Variants in FAM168A observed in about 807,000 individuals in gnomAD.
The protein encoded by FAM168A is family with sequence similarity 168 member A.
A neutral mutation model predicts 28.5 loss-of-function variants in FAM168A; 3 were observed. That is an observed-to-expected ratio of 0.11 (90% confidence interval 0.05 to 0.27). The LOEUF is 0.27. Among genes scored for constraint, FAM168A ranks in the 10% least tolerant of loss-of-function variants. The probability of loss-of-function intolerance (pLI) is 1.00; values close to 1 mark genes in which losing one functional copy is unlikely to be tolerated. For missense variants in FAM168A, 222 were observed against 311.5 expected (o/e 0.71, Z 2.16); for synonymous variants, 122 against 124.2 (o/e 0.98, Z 0.12).
In FAM168A at chr11:73,407,630, A is replaced by G; in HGVS notation, c.609T>C (p.Thr203=). 6.2e-7 allele frequency: 1 copy of G among 1,610,822 alleles called. No homozygotes were observed. Among genetic ancestry groups the G allele is most frequent in the South Asian group, 1.1e-5 (1 of 90,624 alleles). The part of the protein sequence containing the change: ...TMAMSAGTLL[T]TPQHTAIGAH... The stretch of plus-strand genomic sequence containing the variant: ...CCCCAATCGCCGTGTGCTGGGGTGT[A>G]GTCAGCAGGGTACCTGAGCATCCAG... The change falls in exon 7 of 8, where the codon ACT becomes ACC. Residue 203 remains threonine (T), a synonymous_variant. Transcript: ENST00000356467.
intron 4 of FAM168A, among the ~76,000 whole-genome samples, chr11:73,413,991 A>AG (rs1866659132): frequency 1.3e-5 from 2 of 152,198 alleles, no homozygotes; most frequent in Non-Finnish European, 2.9e-5. Flanking sequence ...TGAGCCCAGG[A>AG]GTCTAAGGCT....
chr11:73,455,368 A>G (rs1200671826), intron 2 of FAM168A, among the ~76,000 whole-genome samples: 2 of 152,240 alleles, frequency 1.3e-5, no homozygotes, highest in Non-Finnish European at 2.9e-5. Flanking sequence ...GACTGAGTAA[A>G]TGAGGCACCC....
chr11:73,597,424 C>T (rs533336411), intron 1 of FAM168A, among the ~76,000 whole-genome samples: 1 of 151,974 alleles, frequency 6.6e-6, no homozygotes, highest in South Asian at 2.1e-4. Flanking sequence ...TTCCACCCTT[C>T]TGAATTAACA....
At chr11:73,542,509 A>C (rs970433512) in intron 1 of FAM168A, among the ~76,000 whole-genome samples, 1 of 152,162 alleles carries the variant, frequency 6.6e-6, no homozygotes, top group Non-Finnish European at 1.5e-5. Flanking sequence ...TGCCATTACT[A>C]CACTGACTCA....
rs113673490 is a variant in FAM168A at position 73,556,351 on chromosome 11, T to TA, written c.-19+41571dup. 4.5e-3 allele frequency among the ~76,000 whole-genome samples: 649 copies of TA among 143,144 alleles called. 1 individual carries two copies. Among genetic ancestry groups the TA allele is most frequent in the African/African-American group, 9.3e-3 (365 of 39,070 alleles). The allele number at this position is 143,144 out of a possible 152,430, so 93.9% of individuals were successfully genotyped here. On this transcript the variant is annotated intron_variant, in intron 1 of 7. Transcript: ENST00000356467. ...ATGACAAAGTGAGAATTGTCACTTT[T>TA]AAAAAAAAAAAGGCAGTGAGAACCC...
intron 2 of FAM168A, among the ~76,000 whole-genome samples, chr11:73,449,130 C>G (rs2134544220): frequency 6.6e-6 from 1 of 152,160 alleles, no homozygotes; most frequent in African/African-American, 2.4e-5. Context: ...TGTGCGCCAC[C>G]TAATTTAAAA....
rs942867063 is a variant in FAM168A, at chr11:73,561,352, G to C, written c.-19+36571C>G. 2.0e-5 allele frequency among the ~76,000 whole-genome samples: 3 copies of C among 152,098 alleles called. No homozygotes were observed. In the South Asian group the frequency reaches 6.2e-4, roughly 32 times the overall value. ...ATCACGCACCATTGCACTCCAGCCT[G>C]GGCAACAAAAGTGAAACTCCATCTC... On this transcript the variant is annotated intron_variant, in intron 1 of 7. Coordinates refer to ENST00000356467, the MANE Select transcript of FAM168A (RefSeq NM_015159.3).
chr11:73,562,823 C>T (rs1943974774), intron 1 of FAM168A, among the ~76,000 whole-genome samples: 2 of 150,084 alleles, frequency 1.3e-5, no homozygotes, highest in South Asian at 4.2e-4. Context: ...AAGACTCTGT[C>T]TCAAAAAAAA....
chr11:73,414,070 A>AGGT (rs1866660270), intron 4 of FAM168A, among the ~76,000 whole-genome samples: 1 of 152,198 alleles, frequency 6.6e-6, no homozygotes. Flanking sequence ...CTCTTAAAGA[A>AGGT]GGTGGGGAGG....
At chr11:73,578,834 C>T (rs1370345196) in intron 1 of FAM168A, among the ~76,000 whole-genome samples, 1 of 152,220 alleles carries the variant, frequency 6.6e-6, no homozygotes, top group Non-Finnish European at 1.5e-5. Flanking sequence ...TGAATCTAAT[C>T]AGGTTTCTAA....
intron 1 of FAM168A, among the ~76,000 whole-genome samples, chr11:73,497,089 C>G (rs1244455699): frequency 9.9e-5 from 15 of 152,166 alleles, no homozygotes; most frequent in Admixed American, 5.2e-4. Context: ...CCTGCGTGAT[C>G]CCATCCCTTT....
chr11:73,477,696 C>G (rs1867907474), intron 1 of FAM168A, among the ~76,000 whole-genome samples: 2 of 151,982 alleles, frequency 1.3e-5, no homozygotes, highest in Admixed American at 1.3e-4. Context: ...AAAAAACAAA[C>G]AAAAAACCTG....
chr11:73,517,187 C>T (rs192565751), intron 1 of FAM168A, among the ~76,000 whole-genome samples: 6 of 152,184 alleles, frequency 3.9e-5, no homozygotes, highest in East Asian at 3.9e-4. Flanking sequence ...GTAGCTAGGA[C>T]GACATGTGTG....
intron 4 of FAM168A, chr11:73,412,285 C>G (rs1458969922): frequency 6.6e-6 from 1 of 152,186 alleles, no homozygotes. Context: ...AGGGGAAGGC[C>G]ACCTCTGCCT....
At chr11:73,515,508 C>CAAAAA (rs61655633) in intron 1 of FAM168A, among the ~76,000 whole-genome samples, 6 of 66,474 alleles carry the variant, frequency 9.0e-5, no homozygotes, top group South Asian at 5.8e-4. Context: ...AACTCTGTCT[C>CAAAAA]AAAAAAAAAA....
Position 73,439,536 on chromosome 11 carries a change from A to G in FAM168A, c.71-8766T>C, listed in dbSNP as rs192599651. The stretch of plus-strand genomic sequence containing the variant: ...AATAAGTTGCTTAGACGCTAGTAAT[A>G]TAACTGCTCCTACGTAAATATATAA... On this transcript the variant is annotated intron_variant, in intron 2 of 7. Coordinates refer to ENST00000356467, the MANE Select transcript of FAM168A (RefSeq NM_015159.3). 3.3e-5 allele frequency among the ~76,000 whole-genome samples: 5 copies of G among 152,340 alleles called. No homozygotes were observed. The East Asian group carries it at 9.6e-4, about 29-fold the overall frequency.
chr11:73,529,384 T>C (rs1023157029), intron 1 of FAM168A, among the ~76,000 whole-genome samples: 3 of 152,088 alleles, frequency 2.0e-5, no homozygotes, highest in Non-Finnish European at 4.4e-5. Flanking sequence ...ATCTGTAAAA[T>C]GGATTTTAAA....
At chr11:73,511,701 C>G (rs988370856) in intron 1 of FAM168A, among the ~76,000 whole-genome samples, 1 of 152,166 alleles carries the variant, frequency 6.6e-6, no homozygotes, top group Non-Finnish European at 1.5e-5. Flanking sequence ...CAGGTTCAAT[C>G]TAAGCTCAAC....
At chr11:73,542,802 A>G (rs1054040520) in intron 1 of FAM168A, among the ~76,000 whole-genome samples, 1 of 152,206 alleles carries the variant, frequency 6.6e-6, no homozygotes, top group African/African-American at 2.4e-5. Context: ...TTTAGCATCA[A>G]CATTTGTGTT....
Sources: gnomAD v4.1 joint callset for allele counts (sites outside exome capture counted in the v4.1 genomes callset) on GRCh38, gnomAD v4.1.1 for gene constraint, MANE v1.5 for transcripts, NCBI Gene and HGNC (gene_info 2026-07-23, HGNC 2026-07-21) for gene names.